Variants in GASK1A observed in about 807,000 individuals in gnomAD.
GASK1A encodes Golgi-associated kinase 1A.
A neutral mutation model predicts 41.2 loss-of-function variants in GASK1A; 40 were observed. The ratio of observed to expected loss-of-function variants is 0.97; its 90% CI spans 0.75 to 1.27. The LOEUF (loss-of-function observed/expected upper bound fraction) is 1.27, where lower values mean the gene tolerates loss of function less well. Among genes scored for constraint, GASK1A ranks in the 50% most tolerant of loss-of-function variants. GASK1A has a pLI of 0.00. For missense variants in GASK1A, 678 were observed against 745.1 expected, an observed-to-expected ratio of 0.91 and a Z score of 1.05; for synonymous variants, 316 against 307.1, an observed-to-expected ratio of 1.03 and a Z score of -0.30.
At chr3:43,030,284 G>A (rs1204626693) in intron 1 of GASK1A, among the ~76,000 whole-genome samples, 6 of 152,262 alleles carry the variant, frequency 3.9e-5, no homozygotes, top group African/African-American at 1.4e-4. Context: ...TGGGATTACA[G>A]GCATGAGCGA....
chr3:43,056,050 A>T, intron 4 of GASK1A, 126 bp from the exon 5 acceptor site: 1 of 729,118 alleles, frequency 1.4e-6, no homozygotes, highest in Non-Finnish European at 2.3e-6. Flanking sequence ...GGAGTTTGCC[A>T]GGTGACTTTA....
Position 43,053,557 on chromosome 3 carries a change from G to A in GASK1A, c.1327G>A (p.Glu443Lys), listed in dbSNP as rs763860940. The change falls in exon 3 of 5, where the codon GAG becomes AAG. Residue 443 changes from glutamate to lysine, a missense_variant. Physicochemically the swap from Glu to Lys is moderately conservative, Grantham distance 56. Transcript: ENST00000430121. ...CTTGGATCGCTACTGCTGTGGCTTC[G>A]AGCCTGAGCCCTCAGACCCCTGTGT... ...DRLDRYCCGF[E>K]PEPSDPCVEE... 7.1e-6 allele frequency: 11 copies of A among 1,551,560 alleles called. No individual in the cohort carries two copies. Among genetic ancestry groups the A allele is most frequent in the South Asian group, 1.2e-5 (1 of 84,052 alleles).
chr3:43,039,559 G>C (rs2089625152), intron 2 of GASK1A, among the ~76,000 whole-genome samples: 1 of 152,124 alleles, frequency 6.6e-6, no homozygotes, highest in African/African-American at 2.4e-5. Context: ...TACATGTGCA[G>C]GTTTGTTATA....
intron 1 of GASK1A, among the ~76,000 whole-genome samples, chr3:42,987,090 T>C (rs1181069456): frequency 2.0e-5 from 3 of 152,270 alleles, no homozygotes; most frequent in African/African-American, 7.2e-5. Flanking sequence ...AACAAAGGAT[T>C]CTTAACAAAG....
chr3:43,049,072 T>G (rs577063393), intron 2 of GASK1A, among the ~76,000 whole-genome samples: 1 of 152,248 alleles, frequency 6.6e-6, no homozygotes, highest in Non-Finnish European at 1.5e-5. Context: ...TTAGGGGAGC[T>G]TGGACCCCAT....
chr3:43,055,420 C>G lies in GASK1A; in HGVS notation c.1414-12C>G. 2 of 1,547,214 alleles carry G rather than the reference C, an allele frequency of 1.3e-6. No individual in the cohort carries two copies. The highest frequency in any genetic ancestry group is 2.4e-5 in the South Asian group (2 of 83,944). On this transcript the variant is annotated splice_polypyrimidine_tract_variant and intron_variant, in intron 3 of 4. Transcript: ENST00000430121. ...TTACCCACCTCTGTCTCTGTCCACC[C>G]TCTTCCCTGAGGTCCGGAGCAGCGA... is the stretch of plus-strand genomic sequence containing the variant.
chr3:43,050,765 A>G (rs2089685134), intron 2 of GASK1A, among the ~76,000 whole-genome samples: 1 of 151,470 alleles, frequency 6.6e-6, no homozygotes, highest in African/African-American at 2.4e-5. Flanking sequence ...AGGTTTTCTG[A>G]TTCGTTCTTC....
At chr3:43,037,133 G>A (rs2089608612) in intron 2 of GASK1A, 3 of 875,782 alleles carry the variant, frequency 3.4e-6, no homozygotes, top group Non-Finnish European at 5.4e-6. Flanking sequence ...ACCAGGCAGC[G>A]ATTCAGGGCA....
intron 2 of GASK1A, among the ~76,000 whole-genome samples, chr3:43,041,737 C>T (rs867367836): frequency 4.6e-5 from 7 of 152,202 alleles, no homozygotes; most frequent in Non-Finnish European, 7.3e-5. Context: ...TTTTCATTTC[C>T]TCTTTCTTAC....
intron 2 of GASK1A, among the ~76,000 whole-genome samples, chr3:43,038,307 C>A (rs1180069170): frequency 6.6e-6 from 1 of 152,076 alleles, no homozygotes; most frequent in Non-Finnish European, 1.5e-5. Flanking sequence ...TCCTTTCTTC[C>A]ATTCTTATCA....
At chr3:43,051,866 G>A (rs1395866739) in intron 2 of GASK1A, among the ~76,000 whole-genome samples, 3 of 152,150 alleles carry the variant, frequency 2.0e-5, no homozygotes, top group African/African-American at 7.2e-5. Context: ...TGAGTTTCCA[G>A]GTTCCCAGGC....
At chr3:43,053,769 G>A (rs573290531) in intron 3 of GASK1A, 126 bp downstream of exon 3, 1 of 1,083,466 alleles carries the variant, frequency 9.2e-7, no homozygotes. Context: ...GTTCTTTTCA[G>A]CAGCAGAACC....
intron 1 of GASK1A, among the ~76,000 whole-genome samples, chr3:42,999,854 T>G (rs918249758): frequency 2.0e-5 from 3 of 152,228 alleles, no homozygotes; most frequent in Admixed American, 6.5e-5. Context: ...TTCTAGCAGC[T>G]GCCTGTGTTA....
rs572017109 is a variant in GASK1A, at chr3:42,995,243, A to G, written c.3+15598A>G. ...GTGTTCATCTTCTATAAGAAAAACA[A>G]TAAGGCAAATGAGATGCCAAAGGCA... On this transcript the variant is annotated intron_variant, in intron 1 of 4. Coordinates refer to ENST00000430121, the MANE Select transcript of GASK1A (RefSeq NM_001129908.3). Among the ~76,000 whole-genome samples the G allele has an allele frequency of 2.6e-5, 4 of 152,348 alleles. No homozygotes were observed. The East Asian group carries it at 7.7e-4, about 29-fold the overall frequency.
chr3:43,044,394 G>A (rs1176827881), intron 2 of GASK1A, among the ~76,000 whole-genome samples: 1 of 152,146 alleles, frequency 6.6e-6, no homozygotes, highest in Admixed American at 6.5e-5. Context: ...AGTGGGGGGT[G>A]AGGACAGTGC....
At chr3:43,018,114 A>C (rs1417350260) in intron 1 of GASK1A, among the ~76,000 whole-genome samples, 1 of 152,238 alleles carries the variant, frequency 6.6e-6, no homozygotes, top group Non-Finnish European at 1.5e-5. Flanking sequence ...CAAAAATCGC[A>C]GCAAAATCCC....
At chr3:43,038,930 T>A (rs190244758) in intron 2 of GASK1A, among the ~76,000 whole-genome samples, 26 of 152,232 alleles carry the variant, frequency 1.7e-4, no homozygotes, top group African/African-American at 5.8e-4. Context: ...TGATTGACTG[T>A]CGATGGATTG....
chr3:43,014,152 C>T (rs1157755828), intron 1 of GASK1A, among the ~76,000 whole-genome samples: 4 of 150,036 alleles, frequency 2.7e-5, no homozygotes, highest in Non-Finnish European at 5.9e-5. Context: ...AGTGTTAAAC[C>T]ACAGGAAGGC....
chr3:43,007,979 TTTGCTTGC>T lies in GASK1A; in HGVS notation c.4-24272_4-24265del, dbSNP rs570993059. ...AGAGGATGGCTTCCAGCTCTCCGGG[TTTGCTTGC>T]TTGCTTGCTTGCTTGGAGAAGAAAG... On this transcript the variant is annotated intron_variant, in intron 1 of 4. Transcript: ENST00000430121. 3.3e-5 allele frequency among the ~76,000 whole-genome samples: 5 copies of T among 152,212 alleles called. No individual in the cohort carries two copies. In the East Asian group the frequency reaches 5.8e-4, roughly 18 times the overall value.
Sources: gnomAD v4.1 joint callset for allele counts (sites outside exome capture counted in the v4.1 genomes callset) on GRCh38, gnomAD v4.1.1 for gene constraint, MANE v1.5 for transcripts, NCBI Gene and HGNC (gene_info 2026-07-23, HGNC 2026-07-21) for gene names.